LIPC: variants seen among roughly 807,000 people sequenced by gnomAD.
LIPC encodes lipase C, hepatic type.
A neutral mutation model predicts 50.7 loss-of-function variants in LIPC; 44 were observed. The ratio of observed to expected loss-of-function variants is 0.87; its 90% CI spans 0.68 to 1.11. LIPC has a LOEUF of 1.11. Among genes scored for constraint, LIPC ranks in the 50% most tolerant of loss-of-function variants. The pLI is 0.00. For missense variants in LIPC, 697 were observed against 648.2 expected (o/e 1.08, Z -0.82); for synonymous variants, 271 against 256.4 (o/e 1.06, Z -0.54).
intron 1 of LIPC, among the ~76,000 whole-genome samples, chr15:58,452,892 T>C (rs1391166140): frequency 6.6e-6 from 1 of 152,212 alleles, no homozygotes; most frequent in Non-Finnish European, 1.5e-5. Flanking sequence ...TCTGGTTCAC[T>C]GTGGTCCCAT....
At chr15:58,529,390 A>T (rs1439155591) in intron 1 of LIPC, among the ~76,000 whole-genome samples, 1 of 152,188 alleles carries the variant, frequency 6.6e-6, no homozygotes, top group Non-Finnish European at 1.5e-5. Context: ...AAAAAAATCT[A>T]GTCTGAGAAT....
intron 1 of LIPC, among the ~76,000 whole-genome samples, chr15:58,458,468 T>C (rs1238101462): frequency 6.6e-6 from 1 of 152,218 alleles, no homozygotes; most frequent in Non-Finnish European, 1.5e-5. Flanking sequence ...AGCAGGGACA[T>C]TGTCCTCATT....
chr15:58,479,437 T>C (rs1488741355), intron 1 of LIPC, among the ~76,000 whole-genome samples: 4 of 152,236 alleles, frequency 2.6e-5, no homozygotes, highest in African/African-American at 7.2e-5. Context: ...CTCTATCCTT[T>C]ACTAAAGTCA....
intron 1 of LIPC, among the ~76,000 whole-genome samples, chr15:58,527,434 C>T (rs1222287939): frequency 4.6e-5 from 7 of 152,076 alleles, no homozygotes; most frequent in Non-Finnish European, 1.0e-4. Context: ...ACCATATTGG[C>T]CACACATAAG....
At chr15:58,494,807 G>C (rs776592668) in intron 1 of LIPC, 12 of 456,144 alleles carry the variant, frequency 2.6e-5, no homozygotes, top group Non-Finnish European at 4.4e-5. Context: ...GTTCTTGCTA[G>C]TTCTTGCTTG....
At chr15:58,452,331 G>C (rs1268697560) in intron 1 of LIPC, among the ~76,000 whole-genome samples, 1 of 152,202 alleles carries the variant, frequency 6.6e-6, no homozygotes, top group Non-Finnish European at 1.5e-5. Context: ...GAGAACGTCT[G>C]CCTATAAATG....
intron 1 of LIPC, among the ~76,000 whole-genome samples, chr15:58,508,210 G>A (rs1447640478): frequency 6.6e-6 from 1 of 151,170 alleles, no homozygotes; most frequent in African/African-American, 2.4e-5. Context: ...TGGGAGAGAT[G>A]AAGAATTGAG....
At chr15:58,477,832 G>T (rs543603036) in intron 1 of LIPC, among the ~76,000 whole-genome samples, 1 of 152,176 alleles carries the variant, frequency 6.6e-6, no homozygotes, top group East Asian at 1.9e-4. Flanking sequence ...TTTTTACCAT[G>T]TCACTTCCCC....
chr15:58,493,624 AATAAAATTTATACAAAATTTATTACGTAT>A (rs1418277710), intron 1 of LIPC, among the ~76,000 whole-genome samples: 13 of 145,756 alleles, frequency 8.9e-5, no homozygotes, highest in Non-Finnish European at 2.0e-4. Flanking sequence ...ATTACGTATA[AATAAAATTTATACAAAATTTATTACGTAT>A]AAATAAAATT....
At chr15:58,489,228 G>GGGGGGGGGA (rs1294347533) in intron 1 of LIPC, among the ~76,000 whole-genome samples, 1 of 103,394 alleles carries the variant, frequency 9.7e-6, no homozygotes, top group Admixed American at 9.5e-5. Flanking sequence ...GGGGGCGGGG[G>GGGGGGGGGA]GGCGGCTTAC....
At chr15:58,542,064 A>G in intron 3 of LIPC, 97 bp downstream of exon 3, 1 of 1,343,212 alleles carries the variant, frequency 7.4e-7, no homozygotes, top group Non-Finnish European at 1.0e-6. Context: ...CAGCCCAGGC[A>G]GGAGAAGCAC....
intron 1 of LIPC, among the ~76,000 whole-genome samples, chr15:58,504,853 G>C (rs1254889445): frequency 6.6e-6 from 1 of 152,212 alleles, no homozygotes; most frequent in East Asian, 1.9e-4. Flanking sequence ...ATCTCGAGGA[G>C]AGCTGCGCAT....
At chr15:58,442,904 C>T (rs1893554456) in intron 1 of LIPC, among the ~76,000 whole-genome samples, 1 of 152,128 alleles carries the variant, frequency 6.6e-6, no homozygotes, top group African/African-American at 2.4e-5. Flanking sequence ...AGAGATATCT[C>T]ATTTGGTTTG....
intron 1 of LIPC, among the ~76,000 whole-genome samples, chr15:58,484,459 G>A (rs998618571): frequency 1.4e-4 from 22 of 152,198 alleles, no homozygotes; most frequent in African/African-American, 5.3e-4. Context: ...TTTTATTTAC[G>A]TCACAAATGC....
At position 58,538,382 on chromosome 15, in the gene LIPC, T is replaced by C. The variant is rs1893208573; in HGVS notation, c.138T>C (p.His46=). 3.1e-6 allele frequency: 5 copies of C among 1,613,108 alleles called. No homozygotes were observed. Among genetic ancestry groups the C allele is most frequent in the Admixed American group, 1.7e-5 (1 of 59,996 alleles). ...CTGTTGAAACAAACAAAACGCTGCATGAGATGAAGACCAGATTCCTGCTCT... is the reference window on the plus strand; with the variant it reads ...CTGTTGAAACAAACAAAACGCTGCACGAGATGAAGACCAGATTCCTGCTCT... ...AQAVETNKTL[H]EMKTRFLLFG... is the part of the protein sequence containing the mutation. Residue 46 remains histidine (H), a synonymous_variant, in exon 2 of 9, where the codon CAT becomes CAC. Transcript: ENST00000299022.
intron 8 of LIPC, chr15:58,563,966 G>A (rs1159222913): frequency 3.1e-5 from 16 of 521,494 alleles, no homozygotes; most frequent in Middle Eastern, 5.2e-4. Flanking sequence ...CGTGGCTAAC[G>A]CTGCCTGCCT....
At chr15:58,529,266 C>T (rs1246941451) in intron 1 of LIPC, among the ~76,000 whole-genome samples, 1 of 152,204 alleles carries the variant, frequency 6.6e-6, no homozygotes, top group Non-Finnish European at 1.5e-5. Context: ...GCTGAAGGGC[C>T]TGTGATTGTC....
At chr15:58,489,829 C>T (rs1891522958) in intron 1 of LIPC, among the ~76,000 whole-genome samples, 1 of 152,074 alleles carries the variant, frequency 6.6e-6, no homozygotes, top group Non-Finnish European at 1.5e-5. Context: ...TGGCTATTAT[C>T]CTTGCTGTAA....
intron 1 of LIPC, among the ~76,000 whole-genome samples, chr15:58,451,365 A>G (rs545872765): frequency 1.6e-4 from 24 of 152,322 alleles, no homozygotes; most frequent in African/African-American, 5.5e-4. Flanking sequence ...TAGATGTCCA[A>G]ATTATAAGCT....
Sources: allele counts gnomAD v4.1 joint callset (sites outside exome capture counted in the v4.1 genomes callset), GRCh38; gene constraint gnomAD v4.1.1; transcripts MANE v1.5; gene names NCBI Gene and HGNC (gene_info 2026-07-23, HGNC 2026-07-21).